Variants in ZFYVE9 observed in about 807,000 individuals in gnomAD.
ZFYVE9 encodes zinc finger FYVE domain-containing protein 9.
ZFYVE9 carries 43 observed loss-of-function variants against 126.7 expected under a neutral mutation model. The observed-to-expected ratio is 0.34, with a 90% CI of 0.27 to 0.44. The LOEUF (loss-of-function observed/expected upper bound fraction) is 0.44, where lower values mean the gene tolerates loss of function less well. ZFYVE9 is among the 20% of genes least tolerant of loss of function. ZFYVE9 has a pLI of 1.00. For synonymous variants in ZFYVE9, 521 were observed against 597.4 expected (o/e 0.87, Z 1.87); for missense variants, 1,476 against 1,697.0 (o/e 0.87, Z 2.29).
intron 18 of ZFYVE9, 49 bp downstream of exon 18, chr1:52,344,993 G>A (rs762559740): frequency 6.3e-7 from 1 of 1,598,268 alleles, no homozygotes; most frequent in Non-Finnish European, 8.6e-7. Context: ...GGCAACGTCT[G>A]TATTTCTGAC....
At chr1:52,156,108 C>T (rs997295896) in intron 1 of ZFYVE9, among the ~76,000 whole-genome samples, 2 of 152,208 alleles carry the variant, frequency 1.3e-5, no homozygotes, top group Non-Finnish European at 2.9e-5. Flanking sequence ...GTGGAGTTAA[C>T]ATAGCCCCAA....
rs372055194 is a variant in ZFYVE9 at position 52,173,693 on chromosome 1, C to G, written c.-143+31290C>G. On this transcript the variant is annotated intron_variant, in intron 1 of 18. Coordinates refer to ENST00000287727, the MANE Select transcript of ZFYVE9 (RefSeq NM_004799.4). Reference sequence around the variant, plus strand: ...CACAATTTCAGATCCTGTTATTGGTCTATTCAGAGATTCAACTTCTTCCTG... The same window carrying G: ...CACAATTTCAGATCCTGTTATTGGTGTATTCAGAGATTCAACTTCTTCCTG... Among the ~76,000 whole-genome samples, 22 of 152,194 alleles carry G rather than the reference C, an allele frequency of 1.4e-4. No homozygotes were observed. The South Asian group carries it at 2.7e-3, about 19-fold the overall frequency.
Position 52,216,576 on chromosome 1 carries a change from A to G in ZFYVE9, c.-37+102A>G, listed in dbSNP as rs575342820. 8 of 396,536 alleles carry G rather than the reference A, an allele frequency of 2.0e-5. No individual in the cohort carries two copies. The South Asian group carries it at 1.1e-3, about 54-fold the overall frequency. The allele number at this position is 396,536 out of a possible 1,614,324, so 24.6% of individuals were successfully genotyped here. On this transcript the variant is annotated intron_variant, in intron 2 of 18. Coordinates refer to ENST00000287727, the MANE Select transcript of ZFYVE9 (RefSeq NM_004799.4). ...ATATATGTTACTTGCATCATTTATA[A>G]CATTGTGTCTTATTAAATCAGGAGT...
intron 13 of ZFYVE9, among the ~76,000 whole-genome samples, chr1:52,320,223 A>T (rs1403496041): frequency 6.6e-6 from 1 of 151,802 alleles, no homozygotes; most frequent in African/African-American, 2.4e-5. Context: ...GGCACATGCC[A>T]CCACGCCCAG....
At chr1:52,212,325 A>T (rs1645036093) in intron 1 of ZFYVE9, among the ~76,000 whole-genome samples, 1 of 152,060 alleles carries the variant, frequency 6.6e-6, no homozygotes, top group East Asian at 1.9e-4. Flanking sequence ...TTGTATTTTT[A>T]GTAGAGATGG....
intron 4 of ZFYVE9, among the ~76,000 whole-genome samples, chr1:52,248,230 A>C (rs346561): frequency 0.24 from 35,998 of 151,970 alleles, 8,340 homozygotes; most frequent in African/African-American, 0.61. Flanking sequence ...GGCCTGAGAG[A>C]CCCCCAGAAG....
intron 1 of ZFYVE9, among the ~76,000 whole-genome samples, chr1:52,166,931 T>C (rs1023447579): frequency 1.8e-4 from 28 of 152,212 alleles, no homozygotes; most frequent in African/African-American, 6.8e-4. Context: ...ATTTCATGCT[T>C]ATTTACTCTG....
intron 13 of ZFYVE9, among the ~76,000 whole-genome samples, chr1:52,328,974 T>C (rs1479545343): frequency 6.6e-6 from 1 of 152,204 alleles, no homozygotes; most frequent in African/African-American, 2.4e-5. Context: ...TAGAGTTGTA[T>C]GGATACAATA....
intron 3 of ZFYVE9, 67 bp from the exon 4 acceptor site, chr1:52,237,421 A>G: frequency 7.4e-7 from 1 of 1,344,322 alleles, no homozygotes; most frequent in Non-Finnish European, 1.0e-6. Flanking sequence ...TAGAAATGTT[A>G]TTAACTTAGT....
intron 3 of ZFYVE9, among the ~76,000 whole-genome samples, chr1:52,236,658 T>C (rs1398544685): frequency 6.6e-6 from 1 of 152,202 alleles, no homozygotes; most frequent in Non-Finnish European, 1.5e-5. Flanking sequence ...ATTGGTAGAC[T>C]ATAAGAATGT....
intron 13 of ZFYVE9, among the ~76,000 whole-genome samples, chr1:52,329,295 C>G (rs111745107): frequency 1.3e-5 from 2 of 152,240 alleles, no homozygotes; most frequent in East Asian, 3.9e-4. Flanking sequence ...TTATACTTCT[C>G]AATTTTAAAA....
At chr1:52,171,342 T>G (rs556234431) in intron 1 of ZFYVE9, among the ~76,000 whole-genome samples, 57 of 152,356 alleles carry the variant, frequency 3.7e-4, no homozygotes, top group Non-Finnish European at 5.3e-4. Context: ...TCATTTTTTA[T>G]GGCTGCATAG....
chr1:52,234,326 G>T (rs1329476810), intron 3 of ZFYVE9, among the ~76,000 whole-genome samples: 5 of 152,152 alleles, frequency 3.3e-5, no homozygotes, highest in African/African-American at 1.2e-4. Context: ...AGCCAGGCCT[G>T]GTGGCACACC....
chr1:52,308,108 C>T (rs1233955438), intron 13 of ZFYVE9, among the ~76,000 whole-genome samples: 1 of 152,186 alleles, frequency 6.6e-6, no homozygotes, highest in Non-Finnish European at 1.5e-5. Flanking sequence ...ATTTTATCTC[C>T]TACAATCTCA....
At chr1:52,305,857 A>T (rs1414044518) in intron 13 of ZFYVE9, among the ~76,000 whole-genome samples, 1 of 152,112 alleles carries the variant, frequency 6.6e-6, no homozygotes, top group Admixed American at 6.5e-5. Flanking sequence ...CTCCAATCTC[A>T]GAGCAAAGTC....
At chr1:52,272,484 G>A (rs1205965973) in intron 7 of ZFYVE9, among the ~76,000 whole-genome samples, 1 of 151,890 alleles carries the variant, frequency 6.6e-6, no homozygotes, top group African/African-American at 2.4e-5. Context: ...ATAATGTTTT[G>A]TGTTTAGCTT....
chr1:52,331,055 G>C (rs1023554518), intron 13 of ZFYVE9, among the ~76,000 whole-genome samples: 1 of 151,902 alleles, frequency 6.6e-6, no homozygotes, highest in Non-Finnish European at 1.5e-5. Flanking sequence ...TTTTAGTAGA[G>C]ATGGGGTTTT....
chr1:52,290,572 G>T (rs1260159152), intron 10 of ZFYVE9, among the ~76,000 whole-genome samples: 1 of 152,116 alleles, frequency 6.6e-6, no homozygotes, highest in East Asian at 1.9e-4. Flanking sequence ...TTTGTATGAA[G>T]TGTCTCTTAT....
chr1:52,226,675 A>G (rs916542624), intron 2 of ZFYVE9, among the ~76,000 whole-genome samples: 2 of 152,210 alleles, frequency 1.3e-5, no homozygotes, highest in African/African-American at 4.8e-5. Flanking sequence ...CAGGGTTCTC[A>G]GAGCACAACT....
Sources: allele counts gnomAD v4.1 joint callset (sites outside exome capture counted in the v4.1 genomes callset), GRCh38; gene constraint gnomAD v4.1.1; transcripts MANE v1.5; gene names NCBI Gene and HGNC (gene_info 2026-07-23, HGNC 2026-07-21).